The following TTN variants were observed in gnomAD, a reference collection of about 807,000 sequenced individuals.
The protein encoded by TTN is titin, also known as connectin.
A neutral mutation model predicts 3,223.0 loss-of-function variants in TTN; 1,525 were observed. The observed-to-expected ratio is 0.47, with a 90% CI of 0.45 to 0.49. The LOEUF is 0.49. Among genes scored for constraint, TTN ranks in the 20% least tolerant of loss-of-function variants. The pLI is 0.00. For synonymous variants in TTN, 14,094 were observed against 15,161.0 expected, an observed-to-expected ratio of 0.93 and a Z score of 5.17; for missense variants, 40,786 against 43,424.0, an observed-to-expected ratio of 0.94 and a Z score of 5.40.
At position 178,553,112 on chromosome 2, in the gene TTN, C is replaced by G; in HGVS notation, c.89788G>C (p.Val29930Leu). ...TGGCAGGCAGCTGGTGTGTCAAGCA[C>G]TTTAACACTCACAGTTGAAGACTTA... Reference protein sequence around the residue: ...EPKSSTVSVKVLDTPAACQKL... With the variant: ...EPKSSTVSVKLLDTPAACQKL... The change falls in exon 335 of 363, where the codon GTG (valine) becomes CTG (leucine). Residue 29930 changes from valine to leucine, a missense_variant. Transcript: ENST00000589042. The G allele has an allele frequency of 1.9e-6, 3 of 1,611,922 alleles. No homozygotes were observed. The highest frequency in any genetic ancestry group is 2.5e-6 in the Non-Finnish European group (3 of 1,178,388).
chr2:178,722,278 A>T lies in TTN; in HGVS notation c.22509T>A (p.Ser7503Arg). Residue 7503 changes from serine to arginine, a missense_variant, in exon 77 of 363, where the codon AGT becomes AGA. Transcript: ENST00000589042. ...ASNPLGTASSSARLTAREPKK... is the reference protein window; with the variant it reads ...ASNPLGTASSRARLTAREPKK... ...ACAAACCTCTTGCTGTGAGTCTAGCACTAGAAGATGCTGTTCCAAGTGGGT... is the reference window on the plus strand; with the variant it reads ...ACAAACCTCTTGCTGTGAGTCTAGCTCTAGAAGATGCTGTTCCAAGTGGGT... The T allele has an allele frequency of 3.1e-6, 5 of 1,598,538 alleles. No homozygotes were observed. Among genetic ancestry groups the T allele is most frequent in the South Asian group, 1.1e-5 (1 of 87,464 alleles).
rs764312225 is a variant in TTN at position 178,615,724 on chromosome 2, A to G, written c.48377T>C (p.Leu16126Ser). 2 of 1,612,356 alleles carry G rather than the reference A, an allele frequency of 1.2e-6. No individual in the cohort carries two copies. The highest frequency in any genetic ancestry group is 1.7e-6 in the Non-Finnish European group (2 of 1,178,870). Residue 16126 changes from leucine to serine, a missense_variant, in exon 258 of 363, where the codon TTA (leucine) becomes TCA (serine). Physicochemically the swap from Leu to Ser is moderately radical, Grantham distance 145. Coordinates refer to ENST00000589042, the MANE Select transcript of TTN (RefSeq NM_001267550.2). ...TTTGTTACGAGCACAAACTTTAAATAAGTACTCTTTTCCTTGAACAAGATC... is the reference window on the plus strand; with the variant it reads ...TTTGTTACGAGCACAAACTTTAAATGAGTACTCTTTTCCTTGAACAAGATC... ...VPDLVQGKEY[L>S]FKVCARNKCG...
At chr2:178,674,458 T>C (rs759558448) in intron 150 of TTN, 49 bp from the exon 151 acceptor site, 2 of 1,126,538 alleles carry the variant, frequency 1.8e-6, no homozygotes, top group South Asian at 3.3e-5. Context: ...TTATTTTGAA[T>C]ATTAGACTAC....
rs768807991 is a variant in TTN, at chr2:178,739,200, T to G, written c.14033A>C (p.Glu4678Ala). Reference protein sequence around the residue: ...TEDHQGEYVCEALNDSGKTAT... With the variant: ...TEDHQGEYVCAALNDSGKTAT... The stretch of plus-strand genomic sequence containing the variant: ...TGTTTTTCCGCTGTCATTCAAGGCC[T>G]CACAGACATACTCTCCTTGATGGTC... Residue 4678 changes from glutamate (E) to alanine (A), a missense_variant, in exon 48 of 363, where the codon GAG (glutamate) becomes GCG (alanine). By Grantham distance (107) the Glu-to-Ala change is moderately radical. Coordinates refer to ENST00000589042, the MANE Select transcript of TTN (RefSeq NM_001267550.2). 8.4e-6 allele frequency: 13 copies of G among 1,544,622 alleles called. No individual in the cohort carries two copies. The South Asian group carries it at 1.5e-4, about 18-fold the overall frequency.
chr2:178,609,790 T>C lies in TTN; in HGVS notation c.51633A>G (p.Gly17211=), dbSNP rs879091553. Residue 17211 remains glycine (G), a synonymous_variant, in exon 272 of 363, where the codon GGA becomes GGG. Transcript: ENST00000589042. ...LVPILTYTAK[G]LEEGKEYQFR... ...ATTGGTACTCTTTCCCCTCTTCAAG[T>C]CCTTTTGCTGTATAGGTCAGGATTG... 6.2e-7 allele frequency: 1 copy of C among 1,612,796 alleles called. No homozygotes were observed. The highest frequency in any genetic ancestry group is 1.3e-5 in the African/African-American group (1 of 74,806).
intron 240 of TTN, among the ~76,000 whole-genome samples, chr2:178,628,134 ACC>A (rs2059314130): frequency 6.6e-6 from 1 of 152,062 alleles, no homozygotes; most frequent in Non-Finnish European, 1.5e-5. Context: ...GGCAGGCGTT[ACC>A]TATCAGATGA....
At position 178,608,328 on chromosome 2, in the gene TTN, C is replaced by A; in HGVS notation, c.52555G>T (p.Val17519Phe). The change falls in exon 275 of 363, where the codon GTC (valine) becomes TTC (phenylalanine). Residue 17519 changes from valine (V) to phenylalanine (F), a missense_variant. Coordinates refer to ENST00000589042, the MANE Select transcript of TTN (RefSeq NM_001267550.2). ...REVNSTHWSR[V>F]NKSLLNALKA... ...AAGGCATTCAGAAGGCTTTTGTTGACACGAGACCAATGTGTACTGTTAACT... is the reference window on the plus strand; with the variant it reads ...AAGGCATTCAGAAGGCTTTTGTTGAAACGAGACCAATGTGTACTGTTAACT... 1 of 1,612,412 alleles carries A rather than the reference C, an allele frequency of 6.2e-7. No homozygotes were observed. Among genetic ancestry groups the A allele is most frequent in the Non-Finnish European group, 8.5e-7 (1 of 1,179,174 alleles).
intron 47 of TTN, among the ~76,000 whole-genome samples, chr2:178,744,113 A>G (rs115654110): frequency 0.019 from 2,855 of 152,058 alleles, 95 homozygotes; most frequent in African/African-American, 0.066. Context: ...TTGAAAATTA[A>G]ATTTAAATTG....
Position 178,723,551 on chromosome 2 carries a change from G to A in TTN, c.21549C>T (p.Cys7183=), listed in dbSNP as rs1247343939. The change falls in exon 74 of 363, where the codon TGC becomes TGT. Residue 7183 remains cysteine, a synonymous_variant. Transcript: ENST00000589042. ...CCACAGTGTCTTCAAAATAGATGTTGCACCGGTCTCCTTTCACTAGTTCTC... is the reference window on the plus strand; with the variant it reads ...CCACAGTGTCTTCAAAATAGATGTTACACCGGTCTCCTTTCACTAGTTCTC... ...GARELVKGDR[C]NIYFEDTVAE... is the part of the protein sequence containing the mutation. 1 of 1,613,274 alleles carries A rather than the reference G, an allele frequency of 6.2e-7. No homozygotes were observed. Among genetic ancestry groups the A allele is most frequent in the Non-Finnish European group, 8.5e-7 (1 of 1,179,604 alleles).
rs781086219 is a variant in TTN at position 178,563,215 on chromosome 2, G to C, written c.82917C>G (p.Asn27639Lys). The part of the protein sequence containing the change: ...KQFTVTKLKE[N>K]TEYNFRICAI... ...CACAAATACGGAAGTTATATTCAGTGTTTTCTTTAAGCTTGGTCACTGTGA... is the reference window on the plus strand; with the variant it reads ...CACAAATACGGAAGTTATATTCAGTCTTTTCTTTAAGCTTGGTCACTGTGA... Residue 27639 changes from asparagine to lysine, a missense_variant, in exon 326 of 363, where the codon AAC becomes AAG. Asn to Lys is a moderately conservative substitution (Grantham distance 94). Coordinates refer to ENST00000589042, the MANE Select transcript of TTN (RefSeq NM_001267550.2). This position sits in a 1 kb window ranked among gnomAD's most constrained non-coding sequence, Gnocchi z 4.5. 6.2e-7 allele frequency: 1 copy of C among 1,613,716 alleles called. No individual in the cohort carries two copies. The highest frequency in any genetic ancestry group is 1.1e-5 in the South Asian group (1 of 91,082).
chr2:178,790,319 G>GA lies in TTN; in HGVS notation c.1801-205dup, dbSNP rs111598947. Among the ~76,000 whole-genome samples the GA allele has an allele frequency of 0.061, 9,329 of 151,996 alleles. 653 individuals carry two copies. Among genetic ancestry groups the GA allele is most frequent in the African/African-American group, 0.17 (6,864 of 41,476 alleles). ...TCAAAACAATAAGTCCAGTTTAAAA[G>GA]AAAAAAATGTGATTAGCAATAAAAG... On this transcript the variant is annotated intron_variant, in intron 11 of 362. Transcript: ENST00000589042.
Position 178,736,087 on chromosome 2 carries a change from TTTTTCCAGCA to T in TTN, c.14372-23_14372-14del. ...GGTGGATATGCCTCTGCAAAAGAAA[TTTTTCCAGCA>T]TTACATTTAGTCCCCACCAAAGCAC... On this transcript the variant is annotated splice_polypyrimidine_tract_variant and intron_variant, in intron 49 of 362. Transcript: ENST00000589042. 1 of 1,540,122 alleles carries T rather than the reference TTTTTCCAGCA, an allele frequency of 6.5e-7. No individual in the cohort carries two copies. The highest frequency in any genetic ancestry group is 8.7e-7 in the Non-Finnish European group (1 of 1,147,396).
chr2:178,773,637 C>G lies in TTN; in HGVS notation c.7419G>C (p.Val2473=). The G allele has an allele frequency of 1.9e-6, 3 of 1,614,022 alleles. No individual in the cohort carries two copies. Among genetic ancestry groups the G allele is most frequent in the Non-Finnish European group, 2.5e-6 (3 of 1,179,974 alleles). Reference sequence around the variant, plus strand: ...CATTTAAGTACCACTTAACAGAAGTCACATCAGGGACTGACACCTTACATT... The same window carrying G: ...CATTTAAGTACCACTTAACAGAAGTGACATCAGGGACTGACACCTTACATT... The part of the protein sequence containing the change: ...VLECKVSVPD[V]TSVKWYLNDE... The change falls in exon 32 of 363, where the codon GTG becomes GTC. Residue 2473 remains valine (V), a synonymous_variant. Coordinates refer to ENST00000589042, the MANE Select transcript of TTN (RefSeq NM_001267550.2).
In TTN at chr2:178,587,208, C is replaced by T. The variant is rs773791222; in HGVS notation, c.64003G>A (p.Glu21335Lys). The change falls in exon 307 of 363, where the codon GAG (glutamate) becomes AAG (lysine). Residue 21335 changes from glutamate to lysine, a missense_variant. By Grantham distance (56) the Glu-to-Lys change is moderately conservative. Transcript: ENST00000589042. Reference protein sequence around the residue: ...FHVTNLVPGNEYYFRVTAVNE... With the variant: ...FHVTNLVPGNKYYFRVTAVNE... ...ACAGCAGTTACTCTGAAGTAATACT[C>T]ATTCCCAGGGACAAGATTGGTTACA... 18 of 1,613,148 alleles carry T rather than the reference C, an allele frequency of 1.1e-5. No homozygotes were observed. In the African/African-American group the frequency reaches 1.9e-4, roughly 17 times the overall value.
rs763886757 is a variant in TTN, at chr2:178,745,545, A to T, written c.11312-3624T>A. 72 of 1,609,362 alleles carry T rather than the reference A, an allele frequency of 4.5e-5. 1 individual carries two copies. In the South Asian group the frequency reaches 7.7e-4, roughly 17 times the overall value. On this transcript the variant is annotated intron_variant, in intron 47 of 362. Coordinates refer to ENST00000589042, the MANE Select transcript of TTN (RefSeq NM_001267550.2). ...ATTTGGAAAATATGAAAGCACTCAG[A>T]TCAATGCTAATAATTACTGAGGCAC...
At chr2:178,713,026 T>G (rs1375975031) in intron 93 of TTN, 51 bp from the exon 94 acceptor site, 2 of 1,605,282 alleles carry the variant, frequency 1.2e-6, no homozygotes, top group Admixed American at 1.7e-5. Flanking sequence ...TGAATTGTTA[T>G]GACAAACATG....
Position 178,636,203 on chromosome 2 carries a change from CT to C in TTN, c.41367del (p.Val13790SerfsTer11). 2 of 1,600,760 alleles carry C rather than the reference CT, an allele frequency of 1.2e-6. No homozygotes were observed. The highest frequency in any genetic ancestry group is 1.7e-6 in the Non-Finnish European group (2 of 1,172,102). On this transcript the variant is annotated frameshift_variant, in exon 226 of 363. Coordinates refer to ENST00000589042, the MANE Select transcript of TTN (RefSeq NM_001267550.2). LOFTEE classifies it high-confidence loss of function. This position sits in a 1 kb window ranked among gnomAD's most constrained non-coding sequence, Gnocchi z 4.3. ...PVRFVKTLEE[E>X]VTVVKGQPLY... ...AATGGCTGTCCTTTGACCACTGTGA[CT>C]TCCTCTTCCAGTGTTTTTACAAAAC...
Position 178,549,377 on chromosome 2 carries a change from T to C in TTN, c.92249A>G (p.Glu30750Gly). 1 of 1,613,878 alleles carries C rather than the reference T, an allele frequency of 6.2e-7. No individual in the cohort carries two copies. Among genetic ancestry groups the C allele is most frequent in the Non-Finnish European group, 8.5e-7 (1 of 1,179,802 alleles). Residue 30750 changes from glutamate to glycine, a missense_variant, in exon 339 of 363, where the codon GAA (glutamate) becomes GGA (glycine). Coordinates refer to ENST00000589042, the MANE Select transcript of TTN (RefSeq NM_001267550.2). The stretch of plus-strand genomic sequence containing the variant: ...TCTTTCAAGGATATACTGTTGAATT[T>C]CACTGCCACCATCTGATTCTGGCCT... ...WARPESDGGSEIQQYILERRE... is the reference protein window; with the variant it reads ...WARPESDGGSGIQQYILERRE...
Position 178,553,935 on chromosome 2 carries a change from A to G in TTN, c.89176T>C (p.Tyr29726His). ...TTACCAATAGGATCAGCAGCTTTGT[A>G]GAATTCAGATGGTTCAGAAAATGGA... ...QGPFSEPSEF[Y>H]KAADPIDPPG... Residue 29726 changes from tyrosine (Y) to histidine (H), a missense_variant, in exon 333 of 363, where the codon TAC becomes CAC. Physicochemically the swap from Tyr to His is moderately conservative, Grantham distance 83 (BLOSUM62 2). Transcript: ENST00000589042. 2 of 1,602,570 alleles carry G rather than the reference A, an allele frequency of 1.2e-6. No individual in the cohort carries two copies. The highest frequency in any genetic ancestry group is 1.7e-6 in the Non-Finnish European group (2 of 1,176,204).
Sources: gnomAD v4.1 joint callset for allele counts (sites outside exome capture counted in the v4.1 genomes callset) on GRCh38, gnomAD v4.1.1 for gene constraint, Gnocchi (gnomAD v3.1) non-coding constraint, MANE v1.5 for transcripts, NCBI Gene and HGNC (gene_info 2026-07-23, HGNC 2026-07-21) for gene names.